Variants in PTOV1 observed in about 807,000 individuals in gnomAD.
PTOV1 encodes prostate tumor-overexpressed gene 1 protein.
In PTOV1, 20 loss-of-function variants were observed where a neutral mutation model predicts 58.0. That is an observed-to-expected ratio of 0.34 (90% confidence interval 0.24 to 0.50). PTOV1 has a LOEUF of 0.50. Among genes scored for constraint, PTOV1 ranks in the 20% least tolerant of loss-of-function variants. The pLI is 0.98. For synonymous variants in PTOV1, 335 were observed against 234.2 expected, an observed-to-expected ratio of 1.43 and a Z score of -3.93; for missense variants, 593 against 565.4, an observed-to-expected ratio of 1.05 and a Z score of -0.50.
Position 49,854,904 on chromosome 19 carries a change from C to T in PTOV1, c.450+16C>T. 6.2e-7 allele frequency: 1 copy of T among 1,603,896 alleles called. No individual in the cohort carries two copies. The highest frequency in any genetic ancestry group is 8.5e-7 in the Non-Finnish European group (1 of 1,174,356). On this transcript the variant is annotated intron_variant, in intron 4 of 11. Coordinates refer to ENST00000391842, the Ensembl canonical transcript of PTOV1. ...GCAGCTGCTGGTGAGACCCGCCCCT[C>T]CCACCCCATCCACTCTGAGCACCCC...
chr19:49,855,156 G>C (rs752763856), intron 5 of PTOV1, 79 bp downstream of exon 5: 1 of 1,351,976 alleles, frequency 7.4e-7, no homozygotes, highest in Non-Finnish European at 1.0e-6. Flanking sequence ...CAGTCCAGGC[G>C]GGGGTCGGGG....
At chr19:49,859,514 G>C (rs181674745) in intron 10 of PTOV1, among the ~76,000 whole-genome samples, 44 of 151,952 alleles carry the variant, frequency 2.9e-4, no homozygotes, top group African/African-American at 6.0e-4. Flanking sequence ...AGAGGTTGCA[G>C]TGAGCTGAGA....
chr19:49,860,248 CCT>C lies in PTOV1; in HGVS notation c.1240-17_1240-16del. 1 of 1,613,696 alleles carries C rather than the reference CCT, an allele frequency of 6.2e-7. No individual in the cohort carries two copies. The highest frequency in any genetic ancestry group is 8.5e-7 in the Non-Finnish European group (1 of 1,179,782). On this transcript the variant is annotated intron_variant, in intron 11 of 11. Transcript: ENST00000391842. ...ACCCCCGCTGCCTGCTCACCACTGGCCTCTGATTTCTCGCCGTAGATGGGGGG... is the reference window on the plus strand; with the variant it reads ...ACCCCCGCTGCCTGCTCACCACTGGCCTGATTTCTCGCCGTAGATGGGGGG...
At chr19:49,857,304 G>A (rs889769519) in intron 6 of PTOV1, 174 bp downstream of exon 6, 14 of 905,350 alleles carry the variant, frequency 1.5e-5, no homozygotes, top group Non-Finnish European at 2.3e-5. Flanking sequence ...TGGAAAAGCG[G>A]CCACTGGGCG....
chr19:49,860,066 C>G (rs780955310), exon 11 of PTOV1: 1 of 1,614,226 alleles, frequency 6.2e-7, no homozygotes, highest in Non-Finnish European at 8.5e-7. Flanking sequence ...AGAAGAAAAT[C>G]TTCATTGGCC....
At chr19:49,850,997 T>C, upstream of PTOV1, 1 of 1,534,316 alleles carries the variant, frequency 6.5e-7, no homozygotes, top group Non-Finnish European at 8.7e-7. Context: ...AAGTTGTGGC[T>C]CGCGCGTCTT....
At chr19:49,860,541 T>G (rs2122299872) in exon 12 of PTOV1, 1 of 598,186 alleles carries the variant, frequency 1.7e-6, no homozygotes, top group Middle Eastern at 4.4e-4. Flanking sequence ...GGGCCAGGCC[T>G]CTGCTCACAG....
intron 3 of PTOV1, 29 bp downstream of exon 3, chr19:49,854,763 G>A (rs201591948): frequency 2.5e-5 from 41 of 1,613,160 alleles, no homozygotes; most frequent in Admixed American, 1.0e-4. Flanking sequence ...CAGCCAGGGC[G>A]GTGGCAGGGG....
intron 10 of PTOV1, 91 bp from the exon 11 acceptor site, chr19:49,859,895 T>C (rs1215796082): frequency 9.3e-6 from 13 of 1,400,720 alleles, no homozygotes; most frequent in Non-Finnish European, 1.2e-5. Flanking sequence ...AGGCTGTGCC[T>C]GGCTCATGGA....
chr19:49,858,087 C>T (rs543377969), exon 9 of PTOV1: 2 of 1,613,944 alleles, frequency 1.2e-6, no homozygotes, highest in East Asian at 2.2e-5. Flanking sequence ...GGAAGCTGTA[C>T]ATGCAGCTCA....
chr19:49,851,930 A>C, intron 1 of PTOV1: 1 of 884,792 alleles, frequency 1.1e-6, no homozygotes, highest in Non-Finnish European at 1.3e-6. Context: ...CAGATGTCGC[A>C]CCCGTGGGCG....
chr19:49,859,551 G>T (rs540462899), intron 10 of PTOV1, among the ~76,000 whole-genome samples: 2 of 150,652 alleles, frequency 1.3e-5, no homozygotes. Flanking sequence ...CAGCCTGGGC[G>T]ACAAGAGCGA....
At chr19:49,851,045 G>A, upstream of PTOV1, 1 of 1,507,858 alleles carries the variant, frequency 6.6e-7, no homozygotes. Flanking sequence ...CCGCAGGACC[G>A]CCGAGCCCAC....
At chr19:49,853,076 T>TCACCTGCGTGGGTGGAGAGC (rs2074317171) in intron 1 of PTOV1, 2 of 151,476 alleles carry the variant, frequency 1.3e-5, no homozygotes, top group Non-Finnish European at 3.0e-5. Flanking sequence ...GGGTGGAGAA[T>TCACCTGCGTGGGTGGAGAGC]CACCTGCGTG....
chr19:49,851,278 G>C, exon 1 of PTOV1: 1 of 1,081,992 alleles, frequency 9.2e-7, no homozygotes, highest in Non-Finnish European at 1.1e-6. Context: ...GGAGCCCGCA[G>C]CCCCCCTTGT....
chr19:49,853,903 A>G (rs190433965), intron 1 of PTOV1, among the ~76,000 whole-genome samples: 141 of 152,302 alleles, frequency 9.3e-4, no homozygotes, highest in African/African-American at 3.1e-3. Flanking sequence ...AGCCAGAGGA[A>G]GGAATTGAAC....
In PTOV1 at chr19:49,858,663, G is replaced by A. The variant is rs2074592433; in HGVS notation, c.1041+10G>A. ...CATGGACAATGGCTTCGTGAGTGGT[G>A]CCAGCAGACGCAGGGGAGGGGCCGG... On this transcript the variant is annotated intron_variant, in intron 10 of 11. Transcript: ENST00000391842. 2 of 1,580,594 alleles carry A rather than the reference G, an allele frequency of 1.3e-6. No homozygotes were observed. Among genetic ancestry groups the A allele is most frequent in the African/African-American group, 1.3e-5 (1 of 74,190 alleles).
rs767037421 is a variant in PTOV1, at chr19:49,860,261, GC to G, written c.1240-5del. 1 of 1,613,650 alleles carries G rather than the reference GC, an allele frequency of 6.2e-7. No homozygotes were observed. The highest frequency in any genetic ancestry group is 8.5e-7 in the Non-Finnish European group (1 of 1,179,792). ...GCTCACCACTGGCCTCTGATTTCTC[GC>G]CGTAGATGGGGGGGTAGTGGTTACC... On this transcript the variant is annotated splice_polypyrimidine_tract_variant and splice_region_variant and intron_variant, in intron 11 of 11. Coordinates refer to ENST00000391842, the Ensembl canonical transcript of PTOV1.
At chr19:49,850,954 C>A, upstream of PTOV1, 1 of 1,535,266 alleles carries the variant, frequency 6.5e-7, no homozygotes, top group Non-Finnish European at 8.7e-7. Context: ...CCACCCCATT[C>A]GGTAGGGGCT....
Sources: allele counts gnomAD v4.1 joint callset (sites outside exome capture counted in the v4.1 genomes callset), GRCh38; gene constraint gnomAD v4.1.1; transcripts MANE v1.5; gene names NCBI Gene and HGNC (gene_info 2026-07-23, HGNC 2026-07-21).